RGS6: variants seen among roughly 807,000 people sequenced by gnomAD.
RGS6 encodes regulator of G protein signaling 6, also known as regulator of G-protein signaling 6.
Under a neutral mutation model 78.5 loss-of-function variants are expected in RGS6, and 30 were observed. The ratio of observed to expected loss-of-function variants is 0.38; its 90% CI spans 0.29 to 0.52. The LOEUF is 0.52. Ranked by LOEUF, RGS6 falls within the 20% of genes least tolerant of loss-of-function variation. RGS6 has a pLI of 0.85. For missense variants in RGS6, 495 were observed against 609.7 expected, an observed-to-expected ratio of 0.81 and a Z score of 1.98; for synonymous variants, 206 against 206.0, an observed-to-expected ratio of 1.00 and a Z score of 0.00.
intron 2 of RGS6, among the ~76,000 whole-genome samples, chr14:72,105,532 T>G (rs921267340): frequency 6.6e-6 from 1 of 152,214 alleles, no homozygotes; most frequent in Admixed American, 6.5e-5. Context: ...CCAGGAATTT[T>G]GCTCTTTCTG....
At position 72,540,057 on chromosome 14, in the gene RGS6, G is replaced by A. The variant is rs1414828094; in HGVS notation, c.1385G>A (p.Gly462Asp). 3 of 1,586,024 alleles carry A rather than the reference G, an allele frequency of 1.9e-6. No individual in the cohort carries two copies. The highest frequency in any genetic ancestry group is 1.4e-5 in the African/African-American group (1 of 73,632). The change falls in exon 17 of 18, where the codon GGT becomes GAT. Residue 462 changes from glycine (G) to aspartate (D), a missense_variant. Physicochemically the swap from Gly to Asp is moderately conservative, Grantham distance 94. Transcript: ENST00000553525. The stretch of plus-strand genomic sequence containing the variant: ...TTCCTAAAGCCAGAAAGTGAGCAAG[G>A]TCGTAGAACTTCCCTAGAAAAGTTC... Reference protein sequence around the residue: ...LAKKKPESEQGRRTSLEKFTR... With the variant: ...LAKKKPESEQDRRTSLEKFTR...
At chr14:72,170,844 C>T (rs1196368911) in intron 2 of RGS6, among the ~76,000 whole-genome samples, 1 of 152,118 alleles carries the variant, frequency 6.6e-6, no homozygotes, top group Non-Finnish European at 1.5e-5. Context: ...TTATATTTTT[C>T]CCTATGGATC....
chr14:72,436,614 T>C (rs2094923953), intron 3 of RGS6, among the ~76,000 whole-genome samples: 1 of 152,184 alleles, frequency 6.6e-6, no homozygotes. Flanking sequence ...CCTATCAATT[T>C]CTAGTCCTGA....
chr14:72,231,202 A>C (rs2049487473), intron 2 of RGS6, among the ~76,000 whole-genome samples: 1 of 152,202 alleles, frequency 6.6e-6, no homozygotes, highest in African/African-American at 2.4e-5. Flanking sequence ...TGACAAGAGC[A>C]TCAACCCCAC....
At chr14:72,521,873 C>T (rs1486693779) in intron 15 of RGS6, among the ~76,000 whole-genome samples, 5 of 152,226 alleles carry the variant, frequency 3.3e-5, no homozygotes. Context: ...GTCTGGCCCA[C>T]AATAAGACAG....
intron 12 of RGS6, among the ~76,000 whole-genome samples, chr14:72,493,095 C>A (rs996343908): frequency 1.3e-5 from 2 of 152,120 alleles, no homozygotes; most frequent in African/African-American, 4.8e-5. Flanking sequence ...AGTGACAAGC[C>A]CCATCCACAC....
chr14:72,039,718 T>C (rs933528511), intron 2 of RGS6, among the ~76,000 whole-genome samples: 1 of 152,084 alleles, frequency 6.6e-6, no homozygotes, highest in African/African-American at 2.4e-5. Flanking sequence ...GACTTTCTGT[T>C]GTCATTTTGT....
At chr14:72,147,534 T>C (rs2096621900) in intron 2 of RGS6, among the ~76,000 whole-genome samples, 1 of 152,202 alleles carries the variant, frequency 6.6e-6, no homozygotes, top group Admixed American at 6.5e-5. Context: ...TCATGAGCCC[T>C]CATGACCTAA....
At chr14:72,421,710 G>A (rs937820398) in intron 3 of RGS6, 3 of 152,220 alleles carry the variant, frequency 2.0e-5, no homozygotes, top group Admixed American at 2.0e-4. Context: ...AGGGGAGAAA[G>A]TATTCATCAC....
chr14:72,169,225 G>A lies in RGS6; in HGVS notation c.85-182870G>A, dbSNP rs935504209. Among the ~76,000 whole-genome samples the A allele has an allele frequency of 3.3e-5, 5 of 152,234 alleles. No individual in the cohort carries two copies. In the East Asian group the frequency reaches 5.8e-4, roughly 18 times the overall value. On this transcript the variant is annotated intron_variant, in intron 2 of 17. Coordinates refer to ENST00000553525, the MANE Select transcript of RGS6 (RefSeq NM_001204424.2). ...ATTCATCTTTGATAATTGATTCTTC[G>A]GGTGGAGTAATGATGTAGGCTCAGG...
At chr14:72,621,784 A>G in the RGS6 span, among the ~76,000 whole-genome samples, 3 of 152,174 alleles carry the variant, frequency 2.0e-5, no homozygotes, top group African/African-American at 7.2e-5. Context: ...TTTAAGCATC[A>G]TTGATTAGAT....
At position 72,077,028 on chromosome 14, in the gene RGS6, A is replaced by G. The variant is rs1190287044; in HGVS notation, c.84+112153A>G. 2.0e-5 allele frequency among the ~76,000 whole-genome samples: 3 copies of G among 150,478 alleles called. No homozygotes were observed. In the East Asian group the frequency reaches 5.8e-4, roughly 29 times the overall value. On this transcript the variant is annotated intron_variant, in intron 2 of 17. Transcript: ENST00000553525. Reference sequence around the variant, plus strand: ...GCTGTATATATAGTCACATTATCCTACAGGAAATGATGTAAATGTACCAAT... The same window carrying G: ...GCTGTATATATAGTCACATTATCCTGCAGGAAATGATGTAAATGTACCAAT...
At chr14:72,408,897 C>G (rs555776660) in intron 3 of RGS6, among the ~76,000 whole-genome samples, 1 of 152,274 alleles carries the variant, frequency 6.6e-6, no homozygotes, top group African/African-American at 2.4e-5. Flanking sequence ...ACACACCTTG[C>G]TGGATGATGT....
chr14:71,973,934 G>A (rs1595476578), intron 2 of RGS6, among the ~76,000 whole-genome samples: 1 of 152,158 alleles, frequency 6.6e-6, no homozygotes, highest in East Asian at 1.9e-4. Flanking sequence ...GAAAGGGATG[G>A]TATTTTTAGT....
intron 2 of RGS6, among the ~76,000 whole-genome samples, chr14:72,149,008 C>A (rs1027091091): frequency 6.6e-6 from 1 of 152,194 alleles, no homozygotes; most frequent in African/African-American, 2.4e-5. Context: ...TAGCTTATCT[C>A]CGCACCACTT....
chr14:72,523,181 C>A (rs2097072509), intron 15 of RGS6, among the ~76,000 whole-genome samples: 1 of 152,080 alleles, frequency 6.6e-6, no homozygotes, highest in African/African-American at 2.4e-5. Context: ...GCTTGCTGGC[C>A]AAGATTCTGC....
At chr14:72,450,947 C>T (rs930865054) in intron 3 of RGS6, among the ~76,000 whole-genome samples, 20 of 152,182 alleles carry the variant, frequency 1.3e-4, no homozygotes, top group Admixed American at 3.3e-4. Flanking sequence ...CTGACTTGTT[C>T]CTGGGGCTGC....
intron 2 of RGS6, among the ~76,000 whole-genome samples, chr14:72,052,989 C>CTTTATT (rs1230518365): frequency 1.5e-5 from 1 of 64,548 alleles, no homozygotes; most frequent in African/African-American, 7.5e-5. Flanking sequence ...TTCTTTCTCT[C>CTTTATT]TCTCTCTCTC....
intron 2 of RGS6, among the ~76,000 whole-genome samples, chr14:71,982,127 G>C (rs936135453): frequency 1.3e-5 from 2 of 152,208 alleles, no homozygotes; most frequent in African/African-American, 4.8e-5. Context: ...GTGAGGCAAC[G>C]CCTCGCCCTG....
Sources: gnomAD v4.1 joint callset for allele counts (sites outside exome capture counted in the v4.1 genomes callset) on GRCh38, gnomAD v4.1.1 for gene constraint, MANE v1.5 for transcripts, NCBI Gene and HGNC (gene_info 2026-07-23, HGNC 2026-07-21) for gene names.